The following ST18 variants were observed in gnomAD, a reference collection of about 807,000 sequenced individuals.
ST18 encodes the protein ST18 C2H2C-type zinc finger transcription factor.
ST18 carries 50 observed loss-of-function variants against 110.0 expected under a neutral mutation model. That is an observed-to-expected ratio of 0.45 (90% confidence interval 0.36 to 0.58). The LOEUF (loss-of-function observed/expected upper bound fraction) is 0.58, where lower values mean the gene tolerates loss of function less well. Ranked by LOEUF, ST18 falls within the 20% of genes least tolerant of loss-of-function variation. The pLI, the probability that ST18 is intolerant of heterozygous loss-of-function variation, is 0.00. For synonymous variants in ST18, 461 were observed against 452.4 expected (o/e 1.02, Z -0.24); for missense variants, 1,306 against 1,280.1 (o/e 1.02, Z -0.31).
intron 2 of ST18, among the ~76,000 whole-genome samples, chr8:52,307,022 T>C (rs960831415): frequency 3.3e-5 from 5 of 152,122 alleles, no homozygotes; most frequent in Admixed American, 6.6e-5. Flanking sequence ...GTTTTGTCTA[T>C]AGAATAAAAA....
intron 9 of ST18, among the ~76,000 whole-genome samples, chr8:52,178,185 A>T (rs1313372972): frequency 2.0e-5 from 3 of 152,218 alleles, no homozygotes; most frequent in Non-Finnish European, 1.5e-5. Flanking sequence ...ACAACACTTA[A>T]AAGAATGTGC....
intron 2 of ST18, among the ~76,000 whole-genome samples, chr8:52,357,717 AT>A (rs1564568724): frequency 1.1e-4 from 8 of 73,272 alleles, no homozygotes; most frequent in South Asian, 4.3e-4. Context: ...ATATATATAT[AT>A]ATATATATAT....
chr8:52,297,406 T>A (rs191709677), intron 2 of ST18, among the ~76,000 whole-genome samples: 277 of 152,368 alleles, frequency 1.8e-3, no homozygotes, highest in Non-Finnish European at 3.2e-3. Flanking sequence ...AATCTTTTTT[T>A]AAAATAATTT....
intron 2 of ST18, among the ~76,000 whole-genome samples, chr8:52,272,286 A>T (rs2095099907): frequency 2.0e-5 from 3 of 152,216 alleles, no homozygotes; most frequent in Admixed American, 2.0e-4. Context: ...AAATATTTGC[A>T]AGCCAAAAAT....
chr8:52,366,646 C>T (rs1002103324), intron 2 of ST18, among the ~76,000 whole-genome samples: 2 of 152,206 alleles, frequency 1.3e-5, no homozygotes, highest in African/African-American at 4.8e-5. Context: ...CTCAAAGATG[C>T]CCCTGCCTTC....
At chr8:52,163,320 T>C (rs1333840828) in intron 13 of ST18, among the ~76,000 whole-genome samples, 4 of 152,206 alleles carry the variant, frequency 2.6e-5, no homozygotes, top group Admixed American at 6.5e-5. Flanking sequence ...GTAACAATAG[T>C]TATCTGATCA....
rs1426872610 is a variant in ST18, at chr8:52,163,999, C to G, written c.1387G>C (p.Asp463His). ...LDSPQTGQCP[D>H]QAHRTSLVKQ... ...AGGGGTTCATACCTGTGGGCCTGGT[C>G]AGGACACTGCCCAGTTTGGGGAGAA... The change falls in exon 13 of 26, where the codon GAC (aspartate) becomes CAC (histidine). Residue 463 changes from aspartate (D) to histidine (H), a missense_variant. Transcript: ENST00000689386. The G allele has an allele frequency of 1.2e-6, 2 of 1,613,968 alleles. No individual in the cohort carries two copies. Among genetic ancestry groups the G allele is most frequent in the South Asian group, 2.2e-5 (2 of 91,050 alleles).
At chr8:52,243,263 G>C (rs954444802) in intron 2 of ST18, among the ~76,000 whole-genome samples, 1 of 152,080 alleles carries the variant, frequency 6.6e-6, no homozygotes, top group Non-Finnish European at 1.5e-5. Context: ...ATAGAATTTG[G>C]GGGATGAAAA....
chr8:52,127,972 G>T (rs1479716132), intron 22 of ST18, among the ~76,000 whole-genome samples: 1 of 135,010 alleles, frequency 7.4e-6, no homozygotes, highest in Non-Finnish European at 1.5e-5. Flanking sequence ...GACATATTAA[G>T]GGATTTTTTT....
chr8:52,154,735 C>G (rs545678835), intron 15 of ST18: 1 of 151,960 alleles, frequency 6.6e-6, no homozygotes. Context: ...AGAATCAGGC[C>G]GAGTACAGTG....
chr8:52,397,102 A>C (rs914902948), intron 2 of ST18, among the ~76,000 whole-genome samples: 6 of 152,280 alleles, frequency 3.9e-5, no homozygotes, highest in South Asian at 2.1e-4. Flanking sequence ...TTTCACCAAC[A>C]GTGTACTGTG....
chr8:52,340,849 G>A (rs1448624968), intron 2 of ST18, among the ~76,000 whole-genome samples: 3 of 152,112 alleles, frequency 2.0e-5, no homozygotes, highest in African/African-American at 4.8e-5. Context: ...AAAAAACCGC[G>A]AAGTGCCTGC....
chr8:52,369,963 G>A (rs889045875), intron 2 of ST18, among the ~76,000 whole-genome samples: 1 of 152,172 alleles, frequency 6.6e-6, no homozygotes, highest in Non-Finnish European at 1.5e-5. Context: ...GGCAGTATTT[G>A]CCAAAGAATG....
rs777391759 is a variant in ST18, at chr8:52,165,174, C to T, written c.1256G>A (p.Gly419Glu). The change falls in exon 12 of 26, where the codon GGA becomes GAA. Residue 419 changes from glycine (G) to glutamate (E), a missense_variant. Coordinates refer to ENST00000689386, the MANE Select transcript of ST18 (RefSeq NM_001352837.2). ...GCGGTTGCTGTTCACATGACCCCTT[C>T]CTGTGCATCCCGGCGTGGGACACTT... ...VLKCPTPGCT[G>E]RGHVNSNRNT... 1 of 1,614,204 alleles carries T rather than the reference C, an allele frequency of 6.2e-7. No homozygotes were observed. The highest frequency in any genetic ancestry group is 1.7e-5 in the Admixed American group (1 of 60,028).
intron 8 of ST18, among the ~76,000 whole-genome samples, chr8:52,187,009 T>G (rs1378995213): frequency 1.3e-5 from 2 of 152,178 alleles, no homozygotes; most frequent in Non-Finnish European, 2.9e-5. Flanking sequence ...GTTGTGAATT[T>G]TTTGGATATG....
rs774651497 is a variant in ST18, at chr8:52,171,851, C to T, written c.1010G>A (p.Gly337Glu). 1.2e-6 allele frequency: 2 copies of T among 1,614,170 alleles called. No individual in the cohort carries two copies. The highest frequency in any genetic ancestry group is 1.7e-6 in the Non-Finnish European group (2 of 1,180,020). The change falls in exon 10 of 26, where the codon GGG (glycine) becomes GAG (glutamate). Residue 337 changes from glycine (G) to glutamate (E), a missense_variant. Coordinates refer to ENST00000689386, the MANE Select transcript of ST18 (RefSeq NM_001352837.2). ...GATAACTTTGGTTTGCCTCCTTTCC[C>T]CTGCTAGGTGCTCCAGCAGGAACCT... is the stretch of plus-strand genomic sequence containing the variant. ...LDRFLLEHLA[G>E]ERRQTKVIDM...
At chr8:52,238,947 C>T (rs1391898517) in intron 2 of ST18, among the ~76,000 whole-genome samples, 1 of 152,074 alleles carries the variant, frequency 6.6e-6, no homozygotes, top group Non-Finnish European at 1.5e-5. Context: ...AAAACTCAGA[C>T]TTCACCACTG....
At chr8:52,329,759 T>TA (rs950281266) in intron 2 of ST18, among the ~76,000 whole-genome samples, 4 of 150,262 alleles carry the variant, frequency 2.7e-5, no homozygotes, top group African/African-American at 2.4e-5. Context: ...AGGCTCTGTC[T>TA]AAAAAAAAAG....
intron 2 of ST18, among the ~76,000 whole-genome samples, chr8:52,347,676 G>A (rs1398422884): frequency 6.6e-6 from 1 of 152,122 alleles, no homozygotes; most frequent in African/African-American, 2.4e-5. Flanking sequence ...TGTATCCCAG[G>A]CACTATTCTA....
Sources: allele counts gnomAD v4.1 joint callset (sites outside exome capture counted in the v4.1 genomes callset), GRCh38; gene constraint gnomAD v4.1.1; transcripts MANE v1.5; gene names NCBI Gene and HGNC (gene_info 2026-07-23, HGNC 2026-07-21).